The following HIVEP3 variants were observed in gnomAD, a reference collection of about 807,000 sequenced individuals.
HIVEP3 encodes HIVEP zinc finger 3.
Under a neutral mutation model 152.8 loss-of-function variants are expected in HIVEP3, and 49 were observed. The observed-to-expected ratio is 0.32, with a 90% CI of 0.26 to 0.41. The LOEUF (loss-of-function observed/expected upper bound fraction) is 0.41, where lower values mean the gene tolerates loss of function less well. Ranked by LOEUF, HIVEP3 falls within the 10% of genes least tolerant of loss-of-function variation. The probability of loss-of-function intolerance (pLI) is 1.00; values close to 1 mark genes in which losing one functional copy is unlikely to be tolerated. For synonymous variants in HIVEP3, 1,269 were observed against 1,289.0 expected (o/e 0.98, Z 0.33); for missense variants, 2,790 against 3,103.3 (o/e 0.90, Z 2.40).
intron 2 of HIVEP3, among the ~76,000 whole-genome samples, chr1:41,635,455 A>G (rs1645253833): frequency 6.8e-6 from 1 of 147,814 alleles, no homozygotes; most frequent in African/African-American, 2.5e-5. Flanking sequence ...AAAACGAGTG[A>G]GAAAATGACA....
chr1:41,868,598 G>A (rs956060385), intron 1 of HIVEP3, among the ~76,000 whole-genome samples: 1 of 152,134 alleles, frequency 6.6e-6, no homozygotes, highest in Non-Finnish European at 1.5e-5. Flanking sequence ...AATTATCTCA[G>A]GGGAAAACAA....
At chr1:41,935,428 T>C (rs2124482416) in intron 1 of HIVEP3, among the ~76,000 whole-genome samples, 1 of 152,248 alleles carries the variant, frequency 6.6e-6, no homozygotes, top group African/African-American at 2.4e-5. Flanking sequence ...GGTCCATCCT[T>C]GCATAAGAAC....
rs549609274 is a variant in HIVEP3 at position 41,507,447 on chromosome 1, G to C, written c.*3004C>G. 6.6e-6 allele frequency: 1 copy of C among 152,346 alleles called. No individual in the cohort carries two copies. The highest frequency in any genetic ancestry group is 1.5e-5 in the Non-Finnish European group (1 of 68,160). 9.4% of individuals were successfully genotyped at this position (152,346 alleles called of 1,614,324 possible). ...AAAGGCATCGTGGAGCGCAGGCCTG[G>C]GGGGCAAGGACTCACCAACCAAAGG... On this transcript the variant is annotated 3_prime_UTR_variant, in exon 9 of 9. Coordinates refer to ENST00000372583, the MANE Select transcript of HIVEP3 (RefSeq NM_024503.5).
At chr1:41,601,913 T>C (rs556614896) in intron 3 of HIVEP3, among the ~76,000 whole-genome samples, 3 of 152,296 alleles carry the variant, frequency 2.0e-5, no homozygotes, top group South Asian at 4.1e-4. Flanking sequence ...TGAAGTACTT[T>C]CCCTCTAGTC....
At chr1:41,866,221 G>T (rs1570698368) in intron 1 of HIVEP3, among the ~76,000 whole-genome samples, 1 of 152,334 alleles carries the variant, frequency 6.6e-6, no homozygotes, top group East Asian at 1.9e-4. Context: ...TGCAGGGAGG[G>T]GTCAGGCTCT....
At chr1:42,001,295 C>T (rs72672716) in intron 1 of HIVEP3, among the ~76,000 whole-genome samples, 2,414 of 152,310 alleles carry the variant, frequency 0.016, 50 homozygotes, top group African/African-American at 0.051. Context: ...AGTCTGTCCG[C>T]GTAGCCCCAA....
chr1:41,771,110 C>A (rs1648326710), intron 1 of HIVEP3, among the ~76,000 whole-genome samples: 1 of 152,100 alleles, frequency 6.6e-6, no homozygotes, highest in African/African-American at 2.4e-5. Flanking sequence ...GAAATAAACA[C>A]CTAAACAGAC....
intron 2 of HIVEP3, among the ~76,000 whole-genome samples, chr1:41,697,312 G>A (rs1381667238): frequency 6.6e-6 from 1 of 152,144 alleles, no homozygotes; most frequent in Non-Finnish European, 1.5e-5. Context: ...GAAAGGAAAG[G>A]CCTTTGAAAA....
chr1:41,607,599 T>A (rs1644839201), intron 3 of HIVEP3, among the ~76,000 whole-genome samples: 1 of 152,224 alleles, frequency 6.6e-6, no homozygotes, highest in Non-Finnish European at 1.5e-5. Flanking sequence ...CTTCCTTTTT[T>A]TTTTCTTTTT....
At chr1:41,857,961 T>C (rs1643813310) in intron 1 of HIVEP3, among the ~76,000 whole-genome samples, 1 of 143,108 alleles carries the variant, frequency 7.0e-6, no homozygotes. Flanking sequence ...TAGTTAACTG[T>C]GAAATCTCAA....
At chr1:41,871,684 G>A (rs1238185201) in intron 1 of HIVEP3, among the ~76,000 whole-genome samples, 7 of 152,204 alleles carry the variant, frequency 4.6e-5, no homozygotes, top group Non-Finnish European at 8.8e-5. Context: ...CACTATCTAC[G>A]TGAAACATTA....
chr1:41,889,968 C>T (rs1484842950), intron 1 of HIVEP3, among the ~76,000 whole-genome samples: 1 of 152,212 alleles, frequency 6.6e-6, no homozygotes, highest in Non-Finnish European at 1.5e-5. Flanking sequence ...CATCTGCTCA[C>T]CATCCAATGA....
intron 2 of HIVEP3, among the ~76,000 whole-genome samples, chr1:41,636,257 G>C (rs1645271731): frequency 6.6e-6 from 1 of 152,224 alleles, no homozygotes. Flanking sequence ...ACAGAATGAG[G>C]AAGGGTGGAG....
intron 1 of HIVEP3, among the ~76,000 whole-genome samples, chr1:41,759,751 G>A (rs1445533273): frequency 6.6e-6 from 1 of 152,194 alleles, no homozygotes; most frequent in Non-Finnish European, 1.5e-5. Flanking sequence ...AGATCTGGGT[G>A]TAGGTCAGAC....
chr1:41,528,783 C>G (rs1187240647), intron 5 of HIVEP3, among the ~76,000 whole-genome samples: 1 of 137,198 alleles, frequency 7.3e-6, no homozygotes, highest in African/African-American at 2.8e-5. Flanking sequence ...ACACTCCACA[C>G]CCCCACCCTC....
At chr1:41,665,020 T>A (rs1228374016) in intron 2 of HIVEP3, among the ~76,000 whole-genome samples, 1 of 152,146 alleles carries the variant, frequency 6.6e-6, no homozygotes, top group Non-Finnish European at 1.5e-5. Flanking sequence ...CCAGCGGTAG[T>A]CATTCCCCAG....
At position 41,580,980 on chromosome 1, in the gene HIVEP3, G is replaced by T; in HGVS notation, c.3818C>A (p.Ala1273Asp). The part of the protein sequence containing the change: ...TSLAPLATGS[A>D]GLSPSTEYSS... Reference sequence around the variant, plus strand: ...GTACTCTGTGCTGGGGGAGAGGCCAGCACTTCCTGTTGCCAGTGGGGCCAG... The same window carrying T: ...GTACTCTGTGCTGGGGGAGAGGCCATCACTTCCTGTTGCCAGTGGGGCCAG... The change falls in exon 4 of 9, where the codon GCT (alanine) becomes GAT (aspartate). Residue 1273 changes from alanine (A) to aspartate (D), a missense_variant. By Grantham distance (126) the Ala-to-Asp change is moderately radical. Coordinates refer to ENST00000372583, the MANE Select transcript of HIVEP3 (RefSeq NM_024503.5). 1 of 1,586,200 alleles carries T rather than the reference G, an allele frequency of 6.3e-7. No homozygotes were observed. The highest frequency in any genetic ancestry group is 8.6e-7 in the Non-Finnish European group (1 of 1,165,780).
At chr1:41,917,720 C>A (rs1047121065) in intron 1 of HIVEP3, among the ~76,000 whole-genome samples, 7 of 152,184 alleles carry the variant, frequency 4.6e-5, no homozygotes, top group Admixed American at 1.3e-4. Context: ...AGGGGACACT[C>A]TCTCTGCTAG....
At chr1:41,684,393 AG>A (rs1646084923) in intron 2 of HIVEP3, among the ~76,000 whole-genome samples, 1 of 152,194 alleles carries the variant, frequency 6.6e-6, no homozygotes, top group Non-Finnish European at 1.5e-5. Flanking sequence ...ATTTCCTCCA[AG>A]GCCAAGCTCA....
Sources: gnomAD v4.1 joint callset for allele counts (sites outside exome capture counted in the v4.1 genomes callset) on GRCh38, gnomAD v4.1.1 for gene constraint, MANE v1.5 for transcripts, NCBI Gene and HGNC (gene_info 2026-07-23, HGNC 2026-07-21) for gene names.